The following ZFHX3 variants were observed in gnomAD, a reference collection of about 807,000 sequenced individuals.
The protein encoded by ZFHX3 is zinc finger homeobox 3.
Under a neutral mutation model 279.1 loss-of-function variants are expected in ZFHX3, and 42 were observed. That is an observed-to-expected ratio of 0.15 (90% confidence interval 0.12 to 0.19). ZFHX3 has a LOEUF of 0.19. Ranked by LOEUF, ZFHX3 falls within the 10% of genes least tolerant of loss-of-function variation. The pLI is 1.00. For missense variants in ZFHX3, 4,981 were observed against 4,754.0 expected (o/e 1.05, Z -1.40); for synonymous variants, 2,293 against 1,957.8 (o/e 1.17, Z -4.52).
chr16:73,058,202 G>A (rs1317600184), intron 1 of ZFHX3, among the ~76,000 whole-genome samples: 1 of 145,676 alleles, frequency 6.9e-6, no homozygotes, highest in Non-Finnish European at 1.5e-5. Flanking sequence ...GGCCGGCGGC[G>A]GCGGCGCGGG....
chr16:73,461,455 T>A (rs1468312162), intron 2 of ZFHX3, among the ~76,000 whole-genome samples: 7 of 152,216 alleles, frequency 4.6e-5, no homozygotes, highest in Non-Finnish European at 8.8e-5. Flanking sequence ...GTCCAACAAA[T>A]CTTTTGTAGT....
At chr16:72,883,962 A>G (rs1359625630) in intron 4 of ZFHX3, among the ~76,000 whole-genome samples, 1 of 152,208 alleles carries the variant, frequency 6.6e-6, no homozygotes, top group African/African-American at 2.4e-5. Context: ...AGAGCTGGCC[A>G]CAACATATTT....
chr16:73,151,373 G>C (rs1051349088), intron 5 of ZFHX3, among the ~76,000 whole-genome samples: 1 of 152,152 alleles, frequency 6.6e-6, no homozygotes, highest in Non-Finnish European at 1.5e-5. Flanking sequence ...GTTGGAGAAG[G>C]CTTCCTCGTT....
At position 72,797,183 on chromosome 16, in the gene ZFHX3, T is replaced by G. The variant is rs1418259556; in HGVS notation, c.5499A>C (p.Glu1833Asp). The change falls in exon 9 of 10, where the codon GAA becomes GAC. Residue 1833 changes from glutamate to aspartate, a missense_variant. Around this residue, in one of 7 missense-constraint regions of ZFHX3, gnomAD observed 1,751 missense variants for 1,770.0 expected, o/e 0.99. Coordinates refer to ENST00000268489, the MANE Select transcript of ZFHX3 (RefSeq NM_006885.4). Reference sequence around the variant, plus strand: ...GGACCTGAACCTGAGCCTTCAGATCTTCCAGCAGGCCTGGGCCTGTCCCAG... The same window carrying G: ...GGACCTGAACCTGAGCCTTCAGATCGTCCAGCAGGCCTGGGCCTGTCCCAG... ...TLTGTGPGLL[E>D]DLKAQVQVPQ... The G allele has an allele frequency of 1.9e-6, 3 of 1,614,086 alleles. No individual in the cohort carries two copies. Among genetic ancestry groups the G allele is most frequent in the Admixed American group, 1.7e-5 (1 of 60,026 alleles).
intron 7 of ZFHX3, among the ~76,000 whole-genome samples, chr16:73,111,309 C>G (rs1289482972): frequency 6.6e-6 from 1 of 152,154 alleles, no homozygotes; most frequent in African/African-American, 2.4e-5. Flanking sequence ...TGTTTTGACA[C>G]ATTGCTAGTG....
intron 1 of ZFHX3, among the ~76,000 whole-genome samples, chr16:72,995,846 C>A (rs901416155): frequency 6.6e-6 from 1 of 152,198 alleles, no homozygotes; most frequent in Admixed American, 6.5e-5. Flanking sequence ...CATATGAGAA[C>A]AGCGCCAATT....
intron 2 of ZFHX3, among the ~76,000 whole-genome samples, chr16:73,632,998 G>T (rs1354948407): frequency 6.6e-6 from 1 of 152,298 alleles, no homozygotes; most frequent in Non-Finnish European, 1.5e-5. Flanking sequence ...AGAATGGTGT[G>T]AACCCTGGAG....
intron 6 of ZFHX3, chr16:73,134,669 C>T (rs1221170158): frequency 1.3e-5 from 2 of 151,930 alleles, no homozygotes; most frequent in Non-Finnish European, 2.9e-5. Flanking sequence ...TTCTAAGTCC[C>T]TGAGACAGTA....
rs760913906 is a variant in ZFHX3 at position 72,957,459 on chromosome 16, G to A, written c.2687C>T (p.Ala896Val). 2 of 1,613,180 alleles carry A rather than the reference G, an allele frequency of 1.2e-6. No individual in the cohort carries two copies. Among genetic ancestry groups the A allele is most frequent in the South Asian group, 2.2e-5 (2 of 90,976 alleles). Residue 896 changes from alanine (A) to valine (V), a missense_variant, in exon 2 of 10, where the codon GCC becomes GTC. By Grantham distance (64) the Ala-to-Val change is moderately conservative. Around this residue, in one of 7 missense-constraint regions of ZFHX3, gnomAD observed 1,751 missense variants for 1,770.0 expected, o/e 0.99. Transcript: ENST00000268489. Reference sequence around the variant, plus strand: ...AGGCGTCATGGCGGCCATGGGCCCGGCGGGATCCAGCTGGAATCCGCTCAT... The same window carrying A: ...AGGCGTCATGGCGGCCATGGGCCCGACGGGATCCAGCTGGAATCCGCTCAT... ...FMMSGFQLDP[A>V]GPMAAMTPAL...
chr16:72,929,843 C>T (rs1017139954), intron 3 of ZFHX3, among the ~76,000 whole-genome samples: 3 of 152,206 alleles, frequency 2.0e-5, no homozygotes, highest in Admixed American at 6.5e-5. Context: ...TATGCTGAAC[C>T]GAATGCAGTC....
Position 72,785,010 on chromosome 16 carries a change from C to T in ZFHX3, c.*2154G>A, listed in dbSNP as rs191389224. 3 of 152,662 alleles carry T rather than the reference C, an allele frequency of 2.0e-5. No homozygotes were observed. Among genetic ancestry groups the T allele is most frequent in the South Asian group, 2.1e-4 (1 of 4,824 alleles). The allele number at this position is 152,662 out of a possible 1,614,324, so 9.5% of individuals were successfully genotyped here. ...GGCTTCAGCACTGGGGAAAGAAGCCCGAAAGGTGACCAATGGAACCTGTAT... is the reference window on the plus strand; with the variant it reads ...GGCTTCAGCACTGGGGAAAGAAGCCTGAAAGGTGACCAATGGAACCTGTAT... On this transcript the variant is annotated 3_prime_UTR_variant, in exon 10 of 10. Transcript: ENST00000268489.
intron 7 of ZFHX3, among the ~76,000 whole-genome samples, chr16:73,096,596 G>A (rs1056078955): frequency 6.6e-6 from 1 of 151,030 alleles, no homozygotes; most frequent in Non-Finnish European, 1.5e-5. Flanking sequence ...AGTAGAGACG[G>A]GGTTTCACCT....
At chr16:72,984,725 G>C (rs1308852500) in intron 1 of ZFHX3, among the ~76,000 whole-genome samples, 1 of 152,032 alleles carries the variant, frequency 6.6e-6, no homozygotes, top group Admixed American at 6.6e-5. Context: ...CTGTGTTGCT[G>C]GGTCTGCAAT....
At chr16:73,600,811 A>G (rs1280274523) in intron 2 of ZFHX3, among the ~76,000 whole-genome samples, 1 of 151,844 alleles carries the variant, frequency 6.6e-6, no homozygotes, top group Non-Finnish European at 1.5e-5. Context: ...CTCACACCCA[A>G]TCCCTTCCAG....
intron 4 of ZFHX3, among the ~76,000 whole-genome samples, chr16:72,889,350 T>C (rs1490453450): frequency 6.6e-6 from 1 of 151,968 alleles, no homozygotes; most frequent in East Asian, 1.9e-4. Context: ...TTTGAACCAA[T>C]AAATTGAATC....
chr16:72,883,015 T>C (rs2038530520), intron 4 of ZFHX3, among the ~76,000 whole-genome samples: 1 of 145,572 alleles, frequency 6.9e-6, no homozygotes, highest in African/African-American at 2.5e-5. Flanking sequence ...TGTGTGTGTG[T>C]GTGTGTGTGT....
intron 1 of ZFHX3, among the ~76,000 whole-genome samples, chr16:73,889,176 G>A (rs1388185353): frequency 6.6e-6 from 1 of 152,078 alleles, no homozygotes; most frequent in Non-Finnish European, 1.5e-5. Context: ...GGAGAAAGCC[G>A]GTCTTAGAAG....
At chr16:73,544,525 C>G (rs2020076978) in intron 2 of ZFHX3, among the ~76,000 whole-genome samples, 1 of 152,132 alleles carries the variant, frequency 6.6e-6, no homozygotes. Context: ...TGGCCGCTGT[C>G]TGCTTTGTGC....
intron 2 of ZFHX3, among the ~76,000 whole-genome samples, chr16:73,478,263 T>TAAAAAAAA (rs2018798284): frequency 1.3e-5 from 1 of 75,886 alleles, no homozygotes; most frequent in African/African-American, 6.4e-5. Context: ...AGACTCCATC[T>TAAAAAAAA]CAAAAAAAAA....
Sources: gnomAD v4.1 joint callset for allele counts (sites outside exome capture counted in the v4.1 genomes callset) on GRCh38, gnomAD v4.1.1 for gene constraint, gnomAD v4.1.1 regional missense constraint, MANE v1.5 for transcripts, NCBI Gene and HGNC (gene_info 2026-07-23, HGNC 2026-07-21) for gene names.